Variants in NELL2 observed in about 807,000 individuals in gnomAD.
NELL2 encodes the protein neural EGFL like 2.
A neutral mutation model predicts 109.6 loss-of-function variants in NELL2; 41 were observed. The ratio of observed to expected loss-of-function variants is 0.37; its 90% confidence interval spans 0.29 to 0.49. NELL2 has a LOEUF of 0.49. Among genes scored for constraint, NELL2 ranks in the 20% least tolerant of loss-of-function variants. The pLI, the probability that NELL2 is intolerant of heterozygous loss-of-function variation, is 0.98. For synonymous variants in NELL2, 355 were observed against 344.7 expected (o/e 1.03, Z -0.33); for missense variants, 900 against 1,008.3 (o/e 0.89, Z 1.45).
chr12:44,795,721 A>G (rs570319578), intron 3 of NELL2, among the ~76,000 whole-genome samples: 4 of 152,160 alleles, frequency 2.6e-5, no homozygotes, highest in Non-Finnish European at 4.4e-5. Context: ...GGACTCTAGT[A>G]TAATGAAATA....
At chr12:44,715,700 G>T (rs778842079) in intron 9 of NELL2, among the ~76,000 whole-genome samples, 21 of 152,010 alleles carry the variant, frequency 1.4e-4, no homozygotes, top group Non-Finnish European at 2.6e-4. Flanking sequence ...TCTACCCCAA[G>T]ATAATTATTT....
At chr12:44,800,165 A>C (rs1202043206) in intron 3 of NELL2, among the ~76,000 whole-genome samples, 1 of 152,168 alleles carries the variant, frequency 6.6e-6, no homozygotes, top group Non-Finnish European at 1.5e-5. Context: ...TTTTACTTTA[A>C]AATATGGTAA....
chr12:44,893,283 C>A (rs966835545), intron 1 of NELL2, among the ~76,000 whole-genome samples: 1 of 152,006 alleles, frequency 6.6e-6, no homozygotes, highest in African/African-American at 2.4e-5. Context: ...TCTATAGAAC[C>A]CTTTGAGCCT....
At chr12:44,600,496 A>G (rs1945179010) in intron 15 of NELL2, among the ~76,000 whole-genome samples, 1 of 152,230 alleles carries the variant, frequency 6.6e-6, no homozygotes, top group South Asian at 2.1e-4. Flanking sequence ...TATTAAGTTT[A>G]TGCCTCCCCC....
intron 2 of NELL2, among the ~76,000 whole-genome samples, chr12:44,861,186 C>T (rs1944831427): frequency 6.6e-6 from 1 of 152,158 alleles, no homozygotes; most frequent in East Asian, 1.9e-4. Flanking sequence ...CTCACCTTTC[C>T]CCAGTGCCAG....
At chr12:44,772,954 G>A in intron 9 of NELL2, among the ~76,000 whole-genome samples, 1 of 152,002 alleles carries the variant, frequency 6.6e-6, no homozygotes, top group East Asian at 1.9e-4. Context: ...ATGTCTAACC[G>A]CATGTTTATT....
At chr12:44,760,297 C>G (rs1266755274) in intron 9 of NELL2, among the ~76,000 whole-genome samples, 1 of 151,842 alleles carries the variant, frequency 6.6e-6, no homozygotes, top group Non-Finnish European at 1.5e-5. Context: ...CCCAAATAAC[C>G]ACAGAAAAAA....
At chr12:44,780,107 A>T (rs1941901720) in intron 3 of NELL2, 85 bp from the exon 4 acceptor site, 1 of 1,409,022 alleles carries the variant, frequency 7.1e-7, no homozygotes. Flanking sequence ...GATGGAATAG[A>T]TGTACTTTTC....
At chr12:44,763,465 A>G (rs1941206705) in intron 9 of NELL2, among the ~76,000 whole-genome samples, 1 of 152,176 alleles carries the variant, frequency 6.6e-6, no homozygotes, top group South Asian at 2.1e-4. Flanking sequence ...AGCCTCCTAA[A>G]TCTAATAATA....
intron 3 of NELL2, among the ~76,000 whole-genome samples, chr12:44,803,892 A>C (rs1286034764): frequency 2.0e-5 from 3 of 152,006 alleles, no homozygotes; most frequent in Non-Finnish European, 2.9e-5. Flanking sequence ...TTATATCAGC[A>C]AAAAATTATT....
intron 9 of NELL2, among the ~76,000 whole-genome samples, chr12:44,736,697 A>G (rs1189084075): frequency 6.6e-6 from 1 of 152,198 alleles, no homozygotes; most frequent in Non-Finnish European, 1.5e-5. Flanking sequence ...GTAACTATGT[A>G]AATTAAACTT....
At chr12:44,613,173 C>G (rs1592207113) in intron 13 of NELL2, among the ~76,000 whole-genome samples, 2 of 152,210 alleles carry the variant, frequency 1.3e-5, no homozygotes, top group South Asian at 2.1e-4. Flanking sequence ...TAGTCTCCCC[C>G]TCCTACAGAG....
Position 44,780,145 on chromosome 12 carries a change from C to T in NELL2, c.336-123G>A, listed in dbSNP as rs560548842. 7.2e-5 allele frequency: 68 copies of T among 940,434 alleles called. No individual in the cohort carries two copies. The Admixed American group carries it at 1.8e-3, about 25-fold the overall frequency. 58.3% of individuals were successfully genotyped at this position (940,434 alleles called of 1,614,324 possible). A position where few individuals can be genotyped will look rare whatever the true frequency, so the allele number is the denominator to read the frequency against. Reference sequence around the variant, plus strand: ...AGTTCTCCCACTAAGTACAACTAGACATCATATACAAAACAAACACAGAAG... The same window carrying T: ...AGTTCTCCCACTAAGTACAACTAGATATCATATACAAAACAAACACAGAAG... On this transcript the variant is annotated intron_variant, in intron 3 of 19. Transcript: ENST00000429094.
chr12:44,860,397 A>C (rs1256219079), intron 2 of NELL2, among the ~76,000 whole-genome samples: 13 of 152,242 alleles, frequency 8.5e-5, no homozygotes, highest in African/African-American at 3.1e-4. Context: ...TCAGTGGCTA[A>C]ATTAACAAAT....
intron 7 of NELL2, 125 bp downstream of exon 7, chr12:44,776,917 T>A: frequency 1.3e-6 from 1 of 748,536 alleles, no homozygotes; most frequent in South Asian, 1.7e-5. Flanking sequence ...AGATTTAGAT[T>A]CAGTCCTAGC....
intron 9 of NELL2, among the ~76,000 whole-genome samples, chr12:44,726,676 T>C (rs1040809843): frequency 2.3e-4 from 35 of 152,188 alleles, no homozygotes; most frequent in Admixed American, 2.3e-3. Flanking sequence ...TTGCATTTTA[T>C]GTTAAAGACT....
chr12:44,596,471 A>G (rs1944967190), intron 15 of NELL2, among the ~76,000 whole-genome samples: 2 of 152,186 alleles, frequency 1.3e-5, no homozygotes, highest in South Asian at 4.1e-4. Context: ...ACCACTTCAG[A>G]GGGTTATTGT....
intron 2 of NELL2, among the ~76,000 whole-genome samples, chr12:44,849,615 C>T (rs1944472799): frequency 6.6e-6 from 1 of 152,144 alleles, no homozygotes; most frequent in Non-Finnish European, 1.5e-5. Flanking sequence ...GTTAAATATA[C>T]ATCAACCCCA....
At chr12:44,675,870 G>A (rs1948296484) in intron 12 of NELL2, among the ~76,000 whole-genome samples, 1 of 152,054 alleles carries the variant, frequency 6.6e-6, no homozygotes, top group South Asian at 2.1e-4. Context: ...CTAGACCCCA[G>A]GTTTAAAATT....
Sources: allele counts gnomAD v4.1 joint callset (sites outside exome capture counted in the v4.1 genomes callset), GRCh38; gene constraint gnomAD v4.1.1; transcripts MANE v1.5; gene names NCBI Gene and HGNC (gene_info 2026-07-23, HGNC 2026-07-21).